CDH23: variants seen among roughly 807,000 people sequenced by gnomAD.
The protein encoded by CDH23 is cadherin related 23.
Under a neutral mutation model 317.1 loss-of-function variants are expected in CDH23, and 189 were observed. The ratio of observed to expected loss-of-function variants is 0.60; its 90% CI spans 0.53 to 0.67. The LOEUF (loss-of-function observed/expected upper bound fraction) is 0.67, where lower values mean the gene tolerates loss of function less well. CDH23 is among the 30% of genes least tolerant of loss of function. CDH23 has a pLI of 0.00. For missense variants in CDH23, 4,401 were observed against 4,592.4 expected, an observed-to-expected ratio of 0.96 and a Z score of 1.20; for synonymous variants, 1,839 against 1,876.8, an observed-to-expected ratio of 0.98 and a Z score of 0.52.
chr10:71,569,400 G>A (rs1857626432), intron 7 of CDH23, among the ~76,000 whole-genome samples: 1 of 152,158 alleles, frequency 6.6e-6, no homozygotes, highest in Admixed American at 6.5e-5. Flanking sequence ...ACAAACTAAG[G>A]GAGAGCTAAC....
chr10:71,575,559 C>A (rs1476194538), intron 8 of CDH23, among the ~76,000 whole-genome samples: 2 of 152,174 alleles, frequency 1.3e-5, no homozygotes. Context: ...TGCAGGCCTG[C>A]ACACTGTAGC....
intron 47 of CDH23, among the ~76,000 whole-genome samples, chr10:71,792,840 AAAAAAAAAAAAAAT>A (rs1841292340): frequency 1.3e-5 from 1 of 74,950 alleles, no homozygotes; most frequent in African/African-American, 4.6e-5. Flanking sequence ...AAAAAAAAAA[AAAAAAAAAAAAAAT>A]ATATATATAT....
At chr10:71,786,187 C>T (rs1564792883) in intron 44 of CDH23, among the ~76,000 whole-genome samples, 1 of 152,226 alleles carries the variant, frequency 6.6e-6, no homozygotes, top group Admixed American at 6.5e-5. Flanking sequence ...GGTGGCTCTC[C>T]CCTCAGAAGC....
At chr10:71,519,667 G>A (rs1002872266) in intron 6 of CDH23, among the ~76,000 whole-genome samples, 3 of 152,182 alleles carry the variant, frequency 2.0e-5, no homozygotes, top group Admixed American at 6.5e-5. Flanking sequence ...TTTTTCATCT[G>A]TAAAATAGGG....
At chr10:71,739,866 C>T (rs1448009080) in intron 36 of CDH23, 94 bp downstream of exon 36, 14 of 1,388,130 alleles carry the variant, frequency 1.0e-5, no homozygotes, top group Non-Finnish European at 1.3e-5. Context: ...TCCATCAGCA[C>T]ACTCTGGTGG....
At chr10:71,580,871 C>A (rs1858579759) in intron 9 of CDH23, among the ~76,000 whole-genome samples, 1 of 151,870 alleles carries the variant, frequency 6.6e-6, no homozygotes, top group South Asian at 2.1e-4. Flanking sequence ...ACCCCTTTCT[C>A]TGTGGCCCTG....
chr10:71,741,997 G>T, intron 38 of CDH23, 76 bp downstream of exon 38: 1 of 1,177,204 alleles, frequency 8.5e-7, no homozygotes. Context: ...GGAACAAGAT[G>T]GGTGAGAATG....
At chr10:71,482,792 T>A (rs1443060668) in intron 3 of CDH23, among the ~76,000 whole-genome samples, 2 of 152,212 alleles carry the variant, frequency 1.3e-5, no homozygotes, top group East Asian at 1.9e-4. Flanking sequence ...GATTAGGTGG[T>A]GTCAGGTGCC....
chr10:71,631,168 C>CGGA (rs2132553292), intron 11 of CDH23, among the ~76,000 whole-genome samples: 1 of 152,148 alleles, frequency 6.6e-6, no homozygotes, highest in South Asian at 2.1e-4. Flanking sequence ...CGCTTCAGCC[C>CGGA]GGAGATTTAG....
intron 3 of CDH23, among the ~76,000 whole-genome samples, chr10:71,483,136 C>T (rs1269575859): frequency 6.6e-6 from 1 of 152,174 alleles, no homozygotes; most frequent in Non-Finnish European, 1.5e-5. Flanking sequence ...GCCAGTAAGG[C>T]TGGGGCTGGG....
intron 1 of CDH23, among the ~76,000 whole-genome samples, chr10:71,432,104 T>G: frequency 1.3e-5 from 2 of 149,172 alleles, no homozygotes; most frequent in African/African-American, 2.5e-5. Flanking sequence ...GGCAAAGGAG[T>G]GGGAACAGGA....
intron 1 of CDH23, among the ~76,000 whole-genome samples, chr10:71,405,080 G>A (rs538595666): frequency 1.3e-5 from 2 of 152,324 alleles, no homozygotes; most frequent in South Asian, 2.1e-4. Context: ...TTCTGTCCCC[G>A]AGGAATGCTG....
intron 2 of CDH23, 89 bp from the exon 3 acceptor site, chr10:71,446,229 C>A: frequency 8.1e-7 from 1 of 1,236,752 alleles, no homozygotes; most frequent in Non-Finnish European, 1.2e-6. Context: ...GGCTCAGTGC[C>A]CACTGCAGCC....
chr10:71,515,357 TTCTCTCTCTCTCTC>T (rs3059687), intron 6 of CDH23, among the ~76,000 whole-genome samples: 32 of 126,192 alleles, frequency 2.5e-4, no homozygotes, highest in Non-Finnish European at 4.1e-4. Flanking sequence ...ACCTGTCTGT[TTCTCTCTCTCTCTC>T]TCTCTCTCTC....
rs56181447 is a variant in CDH23, at chr10:71,738,598, G to A, written c.4310G>A (p.Arg1437Gln). ...CCCGAGGACTGCCCTGTGGGCCAGC[G>A]AGTGGCTACTGTCAAGGCCTGGGAC... ...SIPEDCPVGQ[R>Q]VATVKAWDPD... Residue 1437 changes from arginine to glutamine, a missense_variant, in exon 35 of 70, where the codon CGA (arginine) becomes CAA (glutamine). Arg to Gln is a conservative substitution (Grantham distance 43, BLOSUM62 1). Transcript: ENST00000224721. 49,145 of 1,613,762 alleles carry A rather than the reference G, an allele frequency of 0.03. 1,255 individuals carry two copies. The highest frequency in any genetic ancestry group is 0.1 in the East Asian group (4,621 of 44,880).
At position 71,705,054 on chromosome 10, in the gene CDH23, G is replaced by A. The variant is rs746181649; in HGVS notation, c.2877G>A (p.Ala959=). 2.1e-5 allele frequency: 34 copies of A among 1,612,506 alleles called. No individual in the cohort carries two copies. The highest frequency in any genetic ancestry group is 1.2e-4 in the Admixed American group (7 of 59,996). Residue 959 remains alanine, a synonymous_variant, in exon 25 of 70, where the codon GCG becomes GCA. Coordinates refer to ENST00000224721, the MANE Select transcript of CDH23 (RefSeq NM_022124.6). ...TTTELDRERI[A]EYQLRVVASD... ...CCGAGCTGGACCGCGAGCGCATCGC[G>A]GAGTACCAGCTGCGGGTGGTGGCCA...
At position 71,756,128 on chromosome 10, in the gene CDH23, T is replaced by C. The variant is rs181226024; in HGVS notation, c.4845+14207T>C. On this transcript the variant is annotated intron_variant, in intron 38 of 69. Coordinates refer to ENST00000224721, the MANE Select transcript of CDH23 (RefSeq NM_022124.6). Reference sequence around the variant, plus strand: ...AAACGTGAATCCTTGTACAATGTTTTTCAATTTTAAACTTATTAAACTACC... The same window carrying C: ...AAACGTGAATCCTTGTACAATGTTTCTCAATTTTAAACTTATTAAACTACC... Among the ~76,000 whole-genome samples the C allele has an allele frequency of 7.5e-3, 1,149 of 152,236 alleles. 27 individuals are homozygous for C. The highest frequency in any genetic ancestry group is 3.7e-3 in the Admixed American group (57 of 15,300).
At position 71,725,464 on chromosome 10, in the gene CDH23, G is replaced by C. The variant is rs763379895; in HGVS notation, c.3523G>C (p.Val1175Leu). The change falls in exon 30 of 70, where the codon GTG becomes CTG. Residue 1175 changes from valine (V) to leucine (L), a missense_variant. Val to Leu is a conservative substitution (Grantham distance 32). Around this residue, in one of 3 missense-constraint regions of CDH23, gnomAD observed 3,068 missense variants for 3,203.3 expected, o/e 0.96. Transcript: ENST00000224721. Reference sequence around the variant, plus strand: ...GGACCGGGAGCGGAACTCATCCCACGTGCTGATAGTGGAGGCCTACAACCA... The same window carrying C: ...GGACCGGGAGCGGAACTCATCCCACCTGCTGATAGTGGAGGCCTACAACCA... ...PLDRERNSSH[V>L]LIVEAYNHDL... 3 of 1,613,998 alleles carry C rather than the reference G, an allele frequency of 1.9e-6. No individual in the cohort carries two copies. The highest frequency in any genetic ancestry group is 2.5e-6 in the Non-Finnish European group (3 of 1,179,884).
chr10:71,597,964 G>C (rs537955477), intron 9 of CDH23, among the ~76,000 whole-genome samples: 3 of 152,166 alleles, frequency 2.0e-5, no homozygotes, highest in African/African-American at 7.2e-5. Flanking sequence ...GGAGGGGAGG[G>C]CCTGGCCATA....
Sources: gnomAD v4.1 joint callset for allele counts (sites outside exome capture counted in the v4.1 genomes callset) on GRCh38, gnomAD v4.1.1 for gene constraint, gnomAD v4.1.1 regional missense constraint, MANE v1.5 for transcripts, NCBI Gene and HGNC (gene_info 2026-07-23, HGNC 2026-07-21) for gene names.